Variants in PRRC2B observed in about 807,000 individuals in gnomAD.
PRRC2B encodes protein PRRC2B.
PRRC2B carries 68 observed loss-of-function variants against 242.3 expected under a neutral mutation model. The observed-to-expected ratio is 0.28, with a 90% CI of 0.23 to 0.34. PRRC2B has a LOEUF of 0.34. Ranked by LOEUF, PRRC2B falls within the 10% of genes least tolerant of loss-of-function variation. PRRC2B has a pLI of 1.00. For synonymous variants in PRRC2B, 1,228 were observed against 1,173.6 expected (o/e 1.05, Z -0.95); for missense variants, 2,835 against 2,954.8 (o/e 0.96, Z 0.94).
intron 12 of PRRC2B, among the ~76,000 whole-genome samples, chr9:131,465,571 A>G (rs56132117): frequency 0.01 from 1,532 of 152,342 alleles, 24 homozygotes; most frequent in Non-Finnish European, 0.013. Flanking sequence ...GATACTCATC[A>G]TCGTCACTAT....
chr9:131,448,593 T>G (rs1838906574), intron 9 of PRRC2B, among the ~76,000 whole-genome samples: 1 of 120,218 alleles, frequency 8.3e-6, no homozygotes, highest in Non-Finnish European at 1.7e-5. Flanking sequence ...AGTCTGGCTG[T>G]GTTTCCCATT....
At chr9:131,465,216 A>C (rs144756988) in intron 12 of PRRC2B, 138 bp downstream of exon 12, 30 of 852,710 alleles carry the variant, frequency 3.5e-5, no homozygotes, top group Non-Finnish European at 4.5e-5. Flanking sequence ...TCAGTTATTA[A>C]GAGCATAGGC....
At chr9:131,404,714 C>T (rs546093265) in intron 1 of PRRC2B, among the ~76,000 whole-genome samples, 11 of 152,328 alleles carry the variant, frequency 7.2e-5, no homozygotes, top group South Asian at 2.1e-4. Flanking sequence ...AATGTCTCAG[C>T]GTGCTCCCTG....
chr9:131,376,079 T>G (rs886926346), intron 1 of PRRC2B, among the ~76,000 whole-genome samples: 3 of 141,674 alleles, frequency 2.1e-5, no homozygotes, highest in East Asian at 2.1e-4. Flanking sequence ...CCGGGCATGG[T>G]GGCTCACGTC....
At chr9:131,420,493 C>CTTTCTTTCTTTCTTTCT in intron 1 of PRRC2B, among the ~76,000 whole-genome samples, 1,303 of 30,104 alleles carry the variant, frequency 0.043, 56 homozygotes, top group African/African-American at 0.049. Flanking sequence ...TTCTTTCTTT[C>CTTTCTTTCTTTCTTTCT]TTTTTTTTTT....
chr9:131,485,488 T>C (rs997416148), intron 25 of PRRC2B, among the ~76,000 whole-genome samples: 1 of 152,156 alleles, frequency 6.6e-6, no homozygotes, highest in African/African-American at 2.4e-5. Flanking sequence ...CTCTCCTCTC[T>C]TACATGAAAC....
chr9:131,477,889 G>T lies in PRRC2B; in HGVS notation c.4552G>T (p.Ala1518Ser). The T allele has an allele frequency of 6.2e-7, 1 of 1,614,030 alleles. No individual in the cohort carries two copies. Among genetic ancestry groups the T allele is most frequent in the Non-Finnish European group, 8.5e-7 (1 of 1,179,892 alleles). ...SKKAEKEAKLAAPRAGEQGEA... is the reference protein window; with the variant it reads ...SKKAEKEAKLSAPRAGEQGEA... ...AAAGGCAGAGAAGGAGGCCAAGTTG[G>T]CTGCTCCGAGGGCAGGTGAACAGGG... Residue 1518 changes from alanine (A) to serine (S), a missense_variant, in exon 17 of 32, where the codon GCT becomes TCT. Physicochemically the swap from Ala to Ser is moderately conservative, Grantham distance 99. Around this residue, in one of 7 missense-constraint regions of PRRC2B, gnomAD observed 1,536 missense variants for 1,483.1 expected, o/e 1.04. Transcript: ENST00000683519.
At chr9:131,402,181 C>G (rs1174372776) in intron 1 of PRRC2B, among the ~76,000 whole-genome samples, 1 of 152,198 alleles carries the variant, frequency 6.6e-6, no homozygotes, top group Non-Finnish European at 1.5e-5. Context: ...GTCTCGAACT[C>G]CTGAGCTCAA....
chr9:131,444,842 A>G (rs1369949704), intron 6 of PRRC2B, among the ~76,000 whole-genome samples: 1 of 152,182 alleles, frequency 6.6e-6, no homozygotes, highest in Non-Finnish European at 1.5e-5. Flanking sequence ...AGGTCGGGCC[A>G]GGGAAGTGGC....
Position 131,473,736 on chromosome 9 carries a change from C to T in PRRC2B, c.2324+12C>T. ...GACATGCGTGTCAGGTGAGATGAAG[C>T]CTGGTCCTGCTGCCTTGCCACTGAA... On this transcript the variant is annotated intron_variant, in intron 15 of 31. Transcript: ENST00000683519. 6.2e-7 allele frequency: 1 copy of T among 1,604,608 alleles called. No homozygotes were observed. The highest frequency in any genetic ancestry group is 8.5e-7 in the Non-Finnish European group (1 of 1,173,364).
At chr9:131,431,273 G>A (rs148221417) in intron 2 of PRRC2B, among the ~76,000 whole-genome samples, 2,493 of 152,184 alleles carry the variant, frequency 0.016, 75 homozygotes, top group African/African-American at 0.057. Flanking sequence ...TGGGACGACA[G>A]GCGCCCACCA....
intron 1 of PRRC2B, among the ~76,000 whole-genome samples, chr9:131,417,819 C>T (rs1182354648): frequency 6.6e-6 from 1 of 152,096 alleles, no homozygotes; most frequent in Admixed American, 6.6e-5. Context: ...CGTGCACAGC[C>T]CTCTTTATGT....
chr9:131,420,493 C>CTTTCTT lies in PRRC2B; in HGVS notation c.-51-9598_-51-9597insCTTTTT. ...TCTTTCTTTCTTTCTTTCTTTCTTT[C>CTTTCTT]TTTTTTTTTTTTTTTTTGAGATGGA... On this transcript the variant is annotated intron_variant, in intron 1 of 31. Coordinates refer to ENST00000683519, the MANE Select transcript of PRRC2B (RefSeq NM_013318.4). Among the ~76,000 whole-genome samples the CTTTCTT allele has an allele frequency of 9.6e-4, 29 of 30,184 alleles. 3 individuals are homozygous for CTTTCTT. The highest frequency in any genetic ancestry group is 4.0e-3 in the Admixed American group (9 of 2,246). 19.8% of individuals were successfully genotyped at this position (30,184 alleles called of 152,430 possible). A position where few individuals can be genotyped will look rare whatever the true frequency, so the allele number is the denominator to read the frequency against.
rs1836976625 is a variant in PRRC2B at position 131,394,273 on chromosome 9, G to A, written c.-52+10G>A. 6.8e-6 allele frequency: 1 copy of A among 147,310 alleles called. No individual in the cohort carries two copies. The highest frequency in any genetic ancestry group is 1.8e-4 in the South Asian group (1 of 5,512). 9.1% of individuals were successfully genotyped at this position (147,310 alleles called of 1,614,324 possible). ...CGCGGAACCAGACCAGGTGGGTCGGGGCCGGGGCCGGGGCCGGGGCGTGGG... is the reference window on the plus strand; with the variant it reads ...CGCGGAACCAGACCAGGTGGGTCGGAGCCGGGGCCGGGGCCGGGGCGTGGG... On this transcript the variant is annotated intron_variant, in intron 1 of 31. Coordinates refer to ENST00000683519, the MANE Select transcript of PRRC2B (RefSeq NM_013318.4).
intron 3 of PRRC2B, among the ~76,000 whole-genome samples, 165 bp from the exon 4 acceptor site, chr9:131,436,455 T>C (rs910108101): frequency 3.3e-5 from 5 of 152,264 alleles, no homozygotes; most frequent in Admixed American, 1.3e-4. Flanking sequence ...TGTTTTCTTA[T>C]TAGTTTTTGC....
At position 131,430,198 on chromosome 9, in the gene PRRC2B, C is replaced by T. The variant is rs1838092301; in HGVS notation, c.54C>T (p.Tyr18=). 2 of 1,608,428 alleles carry T rather than the reference C, an allele frequency of 1.2e-6. No homozygotes were observed. Among genetic ancestry groups the T allele is most frequent in the South Asian group, 2.2e-5 (2 of 89,598 alleles). The change falls in exon 2 of 32, where the codon TAC becomes TAT. Residue 18 remains tyrosine (Y), a synonymous_variant. Coordinates refer to ENST00000683519, the MANE Select transcript of PRRC2B (RefSeq NM_013318.4). The part of the protein sequence containing the change: ...ITKGKDGKSK[Y]STLSLFDKYK... ...AGGGCAAGGATGGGAAAAGCAAGTA[C>T]TCGACTCTCAGCCTGTTTGATAAGT...
Position 131,464,734 on chromosome 9 carries a change from G to A in PRRC2B, c.1405-29G>A, listed in dbSNP as rs757366033. The A allele has an allele frequency of 7.8e-6, 12 of 1,544,460 alleles. No homozygotes were observed. In the South Asian group the frequency reaches 1.0e-4, roughly 13 times the overall value. ...CTGTATCCCGGGTCCCGGACCCACC[G>A]CCTTATCTCAGAGACATTCTCTTGG... On this transcript the variant is annotated intron_variant, in intron 11 of 31. Transcript: ENST00000683519.
intron 1 of PRRC2B, among the ~76,000 whole-genome samples, chr9:131,414,877 C>G (rs528059542): frequency 2.6e-5 from 4 of 151,466 alleles, no homozygotes; most frequent in Non-Finnish European, 5.9e-5. Flanking sequence ...GCTGCTATCT[C>G]GGGCTTCTGT....
In PRRC2B at chr9:131,427,860, C is replaced by A. The variant is rs576030183; in HGVS notation, c.-51-2234C>A. On this transcript the variant is annotated intron_variant, in intron 1 of 31. Coordinates refer to ENST00000683519, the MANE Select transcript of PRRC2B (RefSeq NM_013318.4). ...TGTTAAACATATGCCTTAATTATTGCTTTAGCTTTGTTTTCCAGTGAGAAG... is the reference window on the plus strand; with the variant it reads ...TGTTAAACATATGCCTTAATTATTGATTTAGCTTTGTTTTCCAGTGAGAAG... Among the ~76,000 whole-genome samples the A allele has an allele frequency of 2.6e-5, 4 of 152,258 alleles. No homozygotes were observed. In the East Asian group the frequency reaches 7.7e-4, roughly 29 times the overall value.
Sources: allele counts gnomAD v4.1 joint callset (sites outside exome capture counted in the v4.1 genomes callset), GRCh38; gene constraint gnomAD v4.1.1; regional missense constraint gnomAD v4.1.1; transcripts MANE v1.5; gene names NCBI Gene and HGNC (gene_info 2026-07-23, HGNC 2026-07-21).